AKAP13: variants seen among roughly 807,000 people sequenced by gnomAD.
AKAP13 encodes the protein A-kinase anchoring protein 13, also known as A-kinase anchor protein 13.
Under a neutral mutation model 264.5 loss-of-function variants are expected in AKAP13, and 80 were observed. The observed-to-expected ratio is 0.30, with a 90% CI of 0.25 to 0.36. The LOEUF (loss-of-function observed/expected upper bound fraction) is 0.36. AKAP13 is among the 10% of genes least tolerant of loss of function. The pLI is 1.00. For synonymous variants in AKAP13, 1,380 were observed against 1,250.2 expected (o/e 1.10, Z -2.19); for missense variants, 3,712 against 3,435.2 (o/e 1.08, Z -2.01).
intron 2 of AKAP13, among the ~76,000 whole-genome samples, chr15:85,502,103 G>T (rs946204487): frequency 1.3e-5 from 2 of 152,178 alleles, no homozygotes; most frequent in African/African-American, 4.8e-5. Context: ...GATTTACTAG[G>T]TTTGGGATGG....
intron 5 of AKAP13, 51 bp downstream of exon 5, chr15:85,544,006 C>T (rs951864701): frequency 3.0e-5 from 48 of 1,600,254 alleles, no homozygotes; most frequent in Non-Finnish European, 4.0e-5. Flanking sequence ...AGCCCCACCC[C>T]CGATTCATAG....
At chr15:85,622,750 C>G (rs963867026) in intron 8 of AKAP13, among the ~76,000 whole-genome samples, 34 of 152,170 alleles carry the variant, frequency 2.2e-4, no homozygotes, top group Admixed American at 7.9e-4. Flanking sequence ...TCTCACATCT[C>G]ATATGTAATT....
intron 8 of AKAP13, among the ~76,000 whole-genome samples, chr15:85,638,357 T>C (rs2082157559): frequency 6.6e-6 from 1 of 152,188 alleles, no homozygotes; most frequent in African/African-American, 2.4e-5. Flanking sequence ...GAGGTTTGTT[T>C]TATGTGATAC....
At chr15:85,436,856 G>C (rs2073325105) in intron 1 of AKAP13, among the ~76,000 whole-genome samples, 1 of 151,954 alleles carries the variant, frequency 6.6e-6, no homozygotes, top group Non-Finnish European at 1.5e-5. Flanking sequence ...ATGCCCACAA[G>C]AGAAAGCAGG....
At chr15:85,598,549 G>A (rs1229222134) in intron 8 of AKAP13, among the ~76,000 whole-genome samples, 1 of 152,144 alleles carries the variant, frequency 6.6e-6, no homozygotes, top group Non-Finnish European at 1.5e-5. Flanking sequence ...CTTCTTCCAG[G>A]AGATGTTACT....
chr15:85,606,950 G>A (rs2080377194), intron 8 of AKAP13, among the ~76,000 whole-genome samples: 1 of 152,132 alleles, frequency 6.6e-6, no homozygotes, highest in Admixed American at 6.5e-5. Context: ...GATTGTTTCG[G>A]GGACATTTTA....
rs1448140906 is a variant in AKAP13 at position 85,707,040 on chromosome 15, G to A, written c.5465-979G>A. 2.6e-5 allele frequency among the ~76,000 whole-genome samples: 4 copies of A among 152,172 alleles called. No homozygotes were observed. In the East Asian group the frequency reaches 7.7e-4, roughly 29 times the overall value. The stretch of plus-strand genomic sequence containing the variant: ...TTAACTGGTGAGTTGATGTAGACAG[G>A]ACCTGTGATGCTTCCTGAATCAGTC... On this transcript the variant is annotated intron_variant, in intron 17 of 36. Coordinates refer to ENST00000394518, the MANE Select transcript of AKAP13 (RefSeq NM_007200.5).
intron 2 of AKAP13, among the ~76,000 whole-genome samples, chr15:85,488,919 G>A (rs1422495401): frequency 6.6e-6 from 1 of 152,174 alleles, no homozygotes; most frequent in East Asian, 1.9e-4. Flanking sequence ...TTTTGTAACA[G>A]CAGTAGAAAA....
At chr15:85,465,143 CG>C (rs1377565252) in intron 1 of AKAP13, among the ~76,000 whole-genome samples, 11 of 143,332 alleles carry the variant, frequency 7.7e-5, no homozygotes, top group African/African-American at 3.0e-4. Context: ...TTAGTAGAGA[CG>C]GGGTTTCATG....
chr15:85,420,087 G>A (rs889910097), intron 1 of AKAP13, among the ~76,000 whole-genome samples: 3 of 150,816 alleles, frequency 2.0e-5, no homozygotes, highest in African/African-American at 7.3e-5. Flanking sequence ...GACTACAGGC[G>A]CCCGCCACTA....
chr15:85,558,853 T>C (rs763909869), intron 5 of AKAP13, among the ~76,000 whole-genome samples: 2 of 152,194 alleles, frequency 1.3e-5, no homozygotes, highest in Non-Finnish European at 2.9e-5. Context: ...TGTTTGATTT[T>C]GTTTTGTGTT....
chr15:85,665,416 C>A (rs1234572965), intron 13 of AKAP13, among the ~76,000 whole-genome samples: 1 of 152,156 alleles, frequency 6.6e-6, no homozygotes, highest in Non-Finnish European at 1.5e-5. Context: ...AAAACATATC[C>A]CAAGTTTCTC....
chr15:85,524,735 A>G (rs1414224587), intron 3 of AKAP13, among the ~76,000 whole-genome samples: 1 of 152,050 alleles, frequency 6.6e-6, no homozygotes, highest in Non-Finnish European at 1.5e-5. Context: ...TTGACTTCGG[A>G]TATTGAAATT....
intron 8 of AKAP13, among the ~76,000 whole-genome samples, chr15:85,608,376 G>A (rs986097224): frequency 2.6e-5 from 4 of 152,164 alleles, no homozygotes; most frequent in Non-Finnish European, 2.9e-5. Context: ...GGTGGTAAAC[G>A]AAGACATTAT....
At chr15:85,721,195 C>T (rs180717675) in intron 23 of AKAP13, among the ~76,000 whole-genome samples, 23 of 152,276 alleles carry the variant, frequency 1.5e-4, no homozygotes, top group African/African-American at 4.1e-4. Context: ...TCATAGTATC[C>T]GTTTGCTCGT....
intron 1 of AKAP13, among the ~76,000 whole-genome samples, chr15:85,455,518 A>G (rs1219313245): frequency 2.0e-5 from 3 of 152,118 alleles, no homozygotes; most frequent in African/African-American, 4.8e-5. Flanking sequence ...TATAGCCACC[A>G]TGACGTCTCA....
chr15:85,382,092 CTTA>C (rs2141821029), intron 1 of AKAP13: 1 of 152,100 alleles, frequency 6.6e-6, no homozygotes, highest in African/African-American at 2.4e-5. Context: ...GTTTGTGTGG[CTTA>C]TTATATGAAC....
At chr15:85,635,998 G>A (rs2151463346) in intron 8 of AKAP13, among the ~76,000 whole-genome samples, 1 of 152,214 alleles carries the variant, frequency 6.6e-6, no homozygotes, top group East Asian at 1.9e-4. Flanking sequence ...AAATCATGTA[G>A]TGATCAATTT....
At chr15:85,585,354 A>C (rs182941621) in intron 7 of AKAP13, among the ~76,000 whole-genome samples, 3 of 152,298 alleles carry the variant, frequency 2.0e-5, no homozygotes, top group Admixed American at 6.5e-5. Flanking sequence ...TCAGCTATTA[A>C]TCTGTTCCCC....
Sources: allele counts gnomAD v4.1 joint callset (sites outside exome capture counted in the v4.1 genomes callset), GRCh38; gene constraint gnomAD v4.1.1; transcripts MANE v1.5; gene names NCBI Gene and HGNC (gene_info 2026-07-23, HGNC 2026-07-21).